The following MCHR2 variants were observed in gnomAD, a reference collection of about 807,000 sequenced individuals.
The protein encoded by MCHR2 is melanin concentrating hormone receptor 2.
Under a neutral mutation model 24.8 loss-of-function variants are expected in MCHR2, and 15 were observed. The ratio of observed to expected loss-of-function variants is 0.60; its 90% CI spans 0.40 to 0.93. The LOEUF is 0.93. MCHR2 is among the 40% of genes least tolerant of loss of function. The pLI, the probability that MCHR2 is intolerant of heterozygous loss-of-function variation, is 0.00. For synonymous variants in MCHR2, 151 were observed against 147.6 expected (o/e 1.02, Z -0.17); for missense variants, 386 against 408.7 (o/e 0.94, Z 0.48).
At chr6:99,970,925 C>T (rs1775402748) in intron 1 of MCHR2, among the ~76,000 whole-genome samples, 2 of 152,146 alleles carry the variant, frequency 1.3e-5, no homozygotes. Flanking sequence ...ATCTATATCT[C>T]TGTTTTGGTA....
chr6:99,950,749 A>T (rs1396137607), intron 2 of MCHR2, among the ~76,000 whole-genome samples: 1 of 152,152 alleles, frequency 6.6e-6, no homozygotes, highest in Non-Finnish European at 1.5e-5. Context: ...TAGTAGTATG[A>T]CTGATTTTTT....
At chr6:99,989,893 T>C (rs1486476328) in intron 1 of MCHR2, among the ~76,000 whole-genome samples, 2 of 152,148 alleles carry the variant, frequency 1.3e-5, no homozygotes, top group Admixed American at 6.5e-5. Context: ...CTCCGTGAAA[T>C]AATCTCCCTC....
intron 2 of MCHR2, among the ~76,000 whole-genome samples, chr6:99,950,395 A>G (rs1462475525): frequency 1.3e-5 from 2 of 152,102 alleles, no homozygotes; most frequent in African/African-American, 4.8e-5. Flanking sequence ...CATGGAATTT[A>G]TATTTCTTAC....
chr6:99,922,150 A>G (rs963070989), intron 5 of MCHR2, among the ~76,000 whole-genome samples: 1 of 137,570 alleles, frequency 7.3e-6, no homozygotes, highest in African/African-American at 2.7e-5. Flanking sequence ...TCTGTCGCCC[A>G]GACTGGAGTG....
At chr6:99,939,879 T>G (rs887737641) in intron 4 of MCHR2, among the ~76,000 whole-genome samples, 10 of 149,332 alleles carry the variant, frequency 6.7e-5, no homozygotes, top group African/African-American at 1.7e-4. Context: ...GGTGTTTTTT[T>G]TTTTTTTTTT....
intron 3 of MCHR2, among the ~76,000 whole-genome samples, chr6:99,945,310 G>C (rs544012047): frequency 6.6e-6 from 1 of 152,186 alleles, no homozygotes; most frequent in African/African-American, 2.4e-5. Context: ...GCAAATTTTG[G>C]CTCCTACTTA....
At chr6:99,934,623 T>C (rs1437852279) in intron 4 of MCHR2, 106 bp from the exon 5 acceptor site, 1 of 1,088,482 alleles carries the variant, frequency 9.2e-7, no homozygotes, top group Non-Finnish European at 1.2e-6. Flanking sequence ...CTTTCATTTT[T>C]CAGGGTCCAG....
At chr6:99,968,798 CA>C (rs1480471267) in intron 1 of MCHR2, among the ~76,000 whole-genome samples, 3 of 151,454 alleles carry the variant, frequency 2.0e-5, no homozygotes, top group Non-Finnish European at 2.9e-5. Context: ...TTTACCATAA[CA>C]AAATCAAACT....
intron 2 of MCHR2, among the ~76,000 whole-genome samples, chr6:99,949,520 G>A (rs1473455205): frequency 6.6e-6 from 1 of 152,094 alleles, no homozygotes; most frequent in Non-Finnish European, 1.5e-5. Flanking sequence ...TTATTCATTG[G>A]TTACAACTTC....
At chr6:99,988,689 G>C in intron 1 of MCHR2, among the ~76,000 whole-genome samples, 1 of 152,314 alleles carries the variant, frequency 6.6e-6, no homozygotes, top group East Asian at 1.9e-4. Context: ...TTTCTCATAG[G>C]TAGAAATAGA....
chr6:99,957,233 C>A (rs1775082044), intron 1 of MCHR2, among the ~76,000 whole-genome samples: 1 of 152,104 alleles, frequency 6.6e-6, no homozygotes, highest in Non-Finnish European at 1.5e-5. Flanking sequence ...ATACCCTCTT[C>A]TGAGCTGGAG....
intron 2 of MCHR2, among the ~76,000 whole-genome samples, chr6:99,952,064 A>G (rs1309756138): frequency 6.6e-6 from 1 of 152,246 alleles, no homozygotes. Flanking sequence ...TTGTCCGTTT[A>G]TTGAAGTATA....
At chr6:99,948,632 A>T (rs1774917532) in intron 2 of MCHR2, among the ~76,000 whole-genome samples, 1 of 152,116 alleles carries the variant, frequency 6.6e-6, no homozygotes, top group Non-Finnish European at 1.5e-5. Context: ...GAGACAGTAA[A>T]TGTTTATTGT....
At chr6:99,956,495 G>A (rs1318562989) in intron 1 of MCHR2, among the ~76,000 whole-genome samples, 5 of 152,172 alleles carry the variant, frequency 3.3e-5, no homozygotes, top group South Asian at 4.1e-4. Context: ...TACAGATCAC[G>A]TCTATTCTTA....
intron 5 of MCHR2, among the ~76,000 whole-genome samples, chr6:99,921,467 G>A (rs563104058): frequency 4.7e-4 from 72 of 151,764 alleles, no homozygotes; most frequent in African/African-American, 1.5e-3. Context: ...ACTTTTTTTC[G>A]TTGTTGTTAA....
chr6:99,942,593 C>A (rs1176903921), intron 4 of MCHR2, among the ~76,000 whole-genome samples: 1 of 152,152 alleles, frequency 6.6e-6, no homozygotes, highest in African/African-American at 2.4e-5. Flanking sequence ...ATAATTCAAG[C>A]AAACTGCAAT....
chr6:99,943,055 A>C lies in MCHR2; in HGVS notation c.481T>G (p.Ser161Ala). Residue 161 changes from serine to alanine, a missense_variant, in exon 4 of 6, where the codon TCC (serine) becomes GCC (alanine). By Grantham distance (99) the Ser-to-Ala change is moderately conservative. Coordinates refer to ENST00000281806, the MANE Select transcript of MCHR2 (RefSeq NM_001040179.2). ...CAGACAGGCAATGCCAGGATAAAGG[A>C]AGCTGCCCAAAGGCCCAAATTGATC... ...IRINLGLWAASFILALPVWVY... is the reference protein window; with the variant it reads ...IRINLGLWAAAFILALPVWVY... 6.2e-7 allele frequency: 1 copy of C among 1,613,276 alleles called. No individual in the cohort carries two copies. Among genetic ancestry groups the C allele is most frequent in the Non-Finnish European group, 8.5e-7 (1 of 1,179,436 alleles).
At chr6:99,991,102 A>G (rs1173461790) in intron 1 of MCHR2, among the ~76,000 whole-genome samples, 2 of 151,920 alleles carry the variant, frequency 1.3e-5, no homozygotes, top group Non-Finnish European at 2.9e-5. Flanking sequence ...GTAGCATCGA[A>G]CAGTTTGGGG....
chr6:99,991,821 A>AAAAAAAG (rs1554197610), intron 1 of MCHR2, among the ~76,000 whole-genome samples: 6 of 151,460 alleles, frequency 4.0e-5, no homozygotes, highest in Non-Finnish European at 7.4e-5. Context: ...AAAAAAAAAA[A>AAAAAAAG]AAAAAGAAAA....
Sources: gnomAD v4.1 joint callset for allele counts (sites outside exome capture counted in the v4.1 genomes callset) on GRCh38, gnomAD v4.1.1 for gene constraint, MANE v1.5 for transcripts, NCBI Gene and HGNC (gene_info 2026-07-23, HGNC 2026-07-21) for gene names.